The following FOXK1 variants were observed in gnomAD, a reference collection of about 807,000 sequenced individuals.
The protein encoded by FOXK1 is forkhead box protein K1.
Under a neutral mutation model 51.9 loss-of-function variants are expected in FOXK1, and 19 were observed. The observed-to-expected ratio is 0.37, with a 90% CI of 0.26 to 0.54. FOXK1 has a LOEUF of 0.54. FOXK1 is among the 20% of genes least tolerant of loss of function. The probability of loss-of-function intolerance (pLI) is 0.87; values close to 1 mark genes in which losing one functional copy is unlikely to be tolerated. For synonymous variants in FOXK1, 537 were observed against 482.6 expected, an observed-to-expected ratio of 1.11 and a Z score of -1.48; for missense variants, 870 against 1,032.7, an observed-to-expected ratio of 0.84 and a Z score of 2.16.
rs1780835075 is a variant in FOXK1 at position 4,755,477 on chromosome 7, A to G, written c.1050+94A>G. ...GCTTCCCTTAAAACAGAAGAGGGCC[A>G]GTGAGGGGGCTCACGCCTGGAACCC... On this transcript the variant is annotated intron_variant, in intron 4 of 8. Coordinates refer to ENST00000328914, the MANE Select transcript of FOXK1 (RefSeq NM_001037165.2). The surrounding 1 kb of genome is among the most constrained non-coding windows in gnomAD (Gnocchi z 6.6). The G allele has an allele frequency of 6.6e-7, 1 of 1,515,676 alleles. No homozygotes were observed. Among genetic ancestry groups the G allele is most frequent in the Non-Finnish European group, 8.9e-7 (1 of 1,121,152 alleles). 93.9% of individuals were successfully genotyped at this position (1,515,676 alleles called of 1,614,324 possible).
At chr7:4,739,091 C>T (rs1322802013) in intron 1 of FOXK1, among the ~76,000 whole-genome samples, 1 of 152,190 alleles carries the variant, frequency 6.6e-6, no homozygotes, top group African/African-American at 2.4e-5. Context: ...CTGCGCACGT[C>T]CATGCAGGAT....
rs1779760293 is a variant in FOXK1, at chr7:4,682,481, C to CGCCGCT, written c.177_182dup (p.Leu60_Pro61dup). On this transcript the variant is annotated inframe_insertion, in exon 1 of 9. Transcript: ENST00000328914. The surrounding 1 kb of genome is among the most constrained non-coding windows in gnomAD (Gnocchi z 7.6). The stretch of plus-strand genomic sequence containing the variant: ...CCCGGGCCGCCGCCGCCGCCGCCAC[C>CGCCGCT]GCCGCTGCCTCCGGGCGCGATCGCG... 5 of 995,726 alleles carry CGCCGCT rather than the reference C, an allele frequency of 5.0e-6. No individual in the cohort carries two copies. The South Asian group carries it at 2.2e-4, about 45-fold the overall frequency. 61.7% of individuals were successfully genotyped at this position (995,726 alleles called of 1,614,324 possible). A position where few individuals can be genotyped will look rare whatever the true frequency, so the allele number is the denominator to read the frequency against.
At chr7:4,712,743 G>A (rs1780190516) in intron 1 of FOXK1, among the ~76,000 whole-genome samples, 1 of 152,110 alleles carries the variant, frequency 6.6e-6, no homozygotes, top group Admixed American at 6.5e-5. Context: ...GGAGATACTT[G>A]GTTCTGTTTA....
Position 4,703,763 on chromosome 7 carries a change from C to T in FOXK1, c.560+20895C>T, listed in dbSNP as rs921477949. Among the ~76,000 whole-genome samples, 1 of 152,146 alleles carries T rather than the reference C, an allele frequency of 6.6e-6. No homozygotes were observed. Among genetic ancestry groups the T allele is most frequent in the East Asian group, 1.9e-4 (1 of 5,184 alleles). ...TGCTCCGGAGGCACTTTCAGAGCAT[C>T]GTGACTAGATAAAAGTAGGTGAAAA... On this transcript the variant is annotated intron_variant, in intron 1 of 8. Transcript: ENST00000328914. The surrounding 1 kb of genome is among the most constrained non-coding windows in gnomAD (Gnocchi z 5.6).
chr7:4,707,278 G>C lies in FOXK1; in HGVS notation c.560+24410G>C, dbSNP rs192255832. Among the ~76,000 whole-genome samples the C allele has an allele frequency of 3.3e-5, 5 of 152,286 alleles. No individual in the cohort carries two copies. The East Asian group carries it at 9.7e-4, about 29-fold the overall frequency. On this transcript the variant is annotated intron_variant, in intron 1 of 8. Transcript: ENST00000328914. The surrounding 1 kb of genome is among the most constrained non-coding windows in gnomAD (Gnocchi z 4.1). ...CTGGTGGAGGGGACGCTGGTAAAGA[G>C]CAGGTCTGGCTCAGTGCTTATTTCA...
At chr7:4,739,852 T>C (rs1780608546) in intron 1 of FOXK1, among the ~76,000 whole-genome samples, 1 of 152,164 alleles carries the variant, frequency 6.6e-6, no homozygotes, top group Non-Finnish European at 1.5e-5. Flanking sequence ...AGTGTGTCAT[T>C]TGAGAGGTGG....
chr7:4,756,562 G>T lies in FOXK1; in HGVS notation c.1051-432G>T, dbSNP rs1192219337. Reference sequence around the variant, plus strand: ...GCACTTTGGGAGGCCGAGGTGGAAGGATTGGTTAAGCCCAAGAGTGTGAGA... The same window carrying T: ...GCACTTTGGGAGGCCGAGGTGGAAGTATTGGTTAAGCCCAAGAGTGTGAGA... On this transcript the variant is annotated intron_variant, in intron 4 of 8. Transcript: ENST00000328914. This position sits in a 1 kb window ranked among gnomAD's most constrained non-coding sequence, Gnocchi z 4.1. 3.3e-5 allele frequency among the ~76,000 whole-genome samples: 5 copies of T among 151,856 alleles called. No homozygotes were observed. The highest frequency in any genetic ancestry group is 9.7e-5 in the African/African-American group (4 of 41,366).
intron 1 of FOXK1, among the ~76,000 whole-genome samples, chr7:4,705,781 C>G (rs893765617): frequency 5.8e-4 from 87 of 150,740 alleles, no homozygotes; most frequent in Non-Finnish European, 6.8e-4. Flanking sequence ...TCGTGACCCC[C>G]CCCCGCCTCA....
rs1402282133 is a variant in FOXK1, at chr7:4,723,358, G to A, written c.561-17480G>A. On this transcript the variant is annotated intron_variant, in intron 1 of 8. Transcript: ENST00000328914. This position sits in a 1 kb window ranked among gnomAD's most constrained non-coding sequence, Gnocchi z 4.7. ...CTGCCTGAAAACATTGGCTTAATTT[G>A]TCTTCTCAAAGCTGTTTTTGTTTTC... 6.6e-6 allele frequency among the ~76,000 whole-genome samples: 1 copy of A among 151,938 alleles called. No homozygotes were observed. The highest frequency in any genetic ancestry group is 1.5e-5 in the Non-Finnish European group (1 of 67,974).
intron 1 of FOXK1, among the ~76,000 whole-genome samples, chr7:4,732,071 G>A (rs747848004): frequency 4.6e-5 from 7 of 152,272 alleles, no homozygotes; most frequent in African/African-American, 1.2e-4. Context: ...GCCGTGAGCC[G>A]CTGCACTGTT....
rs1780433485 is a variant in FOXK1, at chr7:4,730,283, G to A, written c.561-10555G>A. Among the ~76,000 whole-genome samples the A allele has an allele frequency of 2.0e-5, 3 of 152,210 alleles. No individual in the cohort carries two copies. The highest frequency in any genetic ancestry group is 6.5e-5 in the Admixed American group (1 of 15,268). On this transcript the variant is annotated intron_variant, in intron 1 of 8. Coordinates refer to ENST00000328914, the MANE Select transcript of FOXK1 (RefSeq NM_001037165.2). This position sits in a 1 kb window ranked among gnomAD's most constrained non-coding sequence, Gnocchi z 4.7. Reference sequence around the variant, plus strand: ...CCCACATTGTTGTCACTGCGAGAACGGAGGGCCCAGAGCCGAGTACACTCG... The same window carrying A: ...CCCACATTGTTGTCACTGCGAGAACAGAGGGCCCAGAGCCGAGTACACTCG...
At chr7:4,713,987 C>T (rs758017367) in intron 1 of FOXK1, among the ~76,000 whole-genome samples, 15 of 151,124 alleles carry the variant, frequency 9.9e-5, no homozygotes, top group South Asian at 4.2e-4. Flanking sequence ...CCACCACGTC[C>T]GGCTAATTTT....
rs1042722609 is a variant in FOXK1 at position 4,745,569 on chromosome 7, T to G, written c.746+4546T>G. On this transcript the variant is annotated intron_variant, in intron 2 of 8. Coordinates refer to ENST00000328914, the MANE Select transcript of FOXK1 (RefSeq NM_001037165.2). This position sits in a 1 kb window ranked among gnomAD's most constrained non-coding sequence, Gnocchi z 4.3. ...CTCTTTGAAATAAATTCTGCTATCTTTAGCAGAAGTTTGACCTTTTCTTTC... is the reference window on the plus strand; with the variant it reads ...CTCTTTGAAATAAATTCTGCTATCTGTAGCAGAAGTTTGACCTTTTCTTTC... Among the ~76,000 whole-genome samples the G allele has an allele frequency of 6.6e-6, 1 of 152,214 alleles. No homozygotes were observed. The highest frequency in any genetic ancestry group is 1.9e-4 in the East Asian group (1 of 5,198).
In FOXK1 at chr7:4,755,864, T is replaced by C. The variant is rs1270334259; in HGVS notation, c.1050+481T>C. Among the ~76,000 whole-genome samples, 4 of 152,242 alleles carry C rather than the reference T, an allele frequency of 2.6e-5. No individual in the cohort carries two copies. Among genetic ancestry groups the C allele is most frequent in the Non-Finnish European group, 5.9e-5 (4 of 68,036 alleles). On this transcript the variant is annotated intron_variant, in intron 4 of 8. Coordinates refer to ENST00000328914, the MANE Select transcript of FOXK1 (RefSeq NM_001037165.2). The surrounding 1 kb of genome is among the most constrained non-coding windows in gnomAD (Gnocchi z 6.6). ...GTGTCTAAATACTCTTTTTTATTAG[T>C]TTCCTTCTTCTGAGCCCCAGAACTG...
chr7:4,709,247 A>T lies in FOXK1; in HGVS notation c.560+26379A>T, dbSNP rs1780144224. Among the ~76,000 whole-genome samples, 1 of 151,914 alleles carries T rather than the reference A, an allele frequency of 6.6e-6. No homozygotes were observed. The highest frequency in any genetic ancestry group is 1.5e-5 in the Non-Finnish European group (1 of 67,946). On this transcript the variant is annotated intron_variant, in intron 1 of 8. Transcript: ENST00000328914. This position sits in a 1 kb window ranked among gnomAD's most constrained non-coding sequence, Gnocchi z 5.6. The stretch of plus-strand genomic sequence containing the variant: ...TGCTGCCTGGCATCCCCACCCTGTC[A>T]TCCCGAGAATCCCACTGCATGTTTT...
intron 2 of FOXK1, among the ~76,000 whole-genome samples, chr7:4,751,218 A>T (rs1780771516): frequency 6.7e-6 from 1 of 150,174 alleles, no homozygotes; most frequent in Non-Finnish European, 1.5e-5. Flanking sequence ...ACGGGGTTTC[A>T]CTGTGTTAGC....
chr7:4,711,528 C>T lies in FOXK1; in HGVS notation c.560+28660C>T, dbSNP rs115335174. Among the ~76,000 whole-genome samples the T allele has an allele frequency of 3.2e-3, 482 of 152,288 alleles. 3 individuals are homozygous for T. Among genetic ancestry groups the T allele is most frequent in the African/African-American group, 0.011 (458 of 41,558 alleles). On this transcript the variant is annotated intron_variant, in intron 1 of 8. Coordinates refer to ENST00000328914, the MANE Select transcript of FOXK1 (RefSeq NM_001037165.2). The surrounding 1 kb of genome is among the most constrained non-coding windows in gnomAD (Gnocchi z 6.3). ...GAGTGTGAAGAGGTGTGCCCCATCC[C>T]ATGGCCACTGGAGAACTGGCAGAAG...
rs184427280 is a variant in FOXK1 at position 4,734,485 on chromosome 7, T to A, written c.561-6353T>A. ...CTTCCTCCTTGCCCCTCAAACTCCT[T>A]TGCCTCAGTCCCTGTCTTCCTTGAT... On this transcript the variant is annotated intron_variant, in intron 1 of 8. Transcript: ENST00000328914. The surrounding 1 kb of genome is among the most constrained non-coding windows in gnomAD (Gnocchi z 5.2). 3.0e-3 allele frequency among the ~76,000 whole-genome samples: 457 copies of A among 152,278 alleles called. 3 individuals carry two copies. Among genetic ancestry groups the A allele is most frequent in the Non-Finnish European group, 4.6e-3 (310 of 68,008 alleles).
At chr7:4,695,868 A>G (rs1167438701) in intron 1 of FOXK1, among the ~76,000 whole-genome samples, 1 of 150,544 alleles carries the variant, frequency 6.6e-6, no homozygotes, top group Non-Finnish European at 1.5e-5. Context: ...TCCAGGAGGG[A>G]GAGATTGCGG....
Sources: allele counts gnomAD v4.1 joint callset (sites outside exome capture counted in the v4.1 genomes callset), GRCh38; gene constraint gnomAD v4.1.1; non-coding constraint Gnocchi (gnomAD v3.1); transcripts MANE v1.5; gene names NCBI Gene and HGNC (gene_info 2026-07-23, HGNC 2026-07-21).